Variants in GALNTL6 observed in about 807,000 individuals in gnomAD.
GALNTL6 encodes the protein polypeptide N-acetylgalactosaminyltransferase like 6.
GALNTL6 carries 46 observed loss-of-function variants against 73.7 expected under a neutral mutation model. The observed-to-expected ratio is 0.62, with a 90% CI of 0.49 to 0.80. The LOEUF is 0.80. GALNTL6 is among the 30% of genes least tolerant of loss of function. The pLI is 0.00. For synonymous variants in GALNTL6, 259 were observed against 263.7 expected, an observed-to-expected ratio of 0.98 and a Z score of 0.17; for missense variants, 604 against 755.0, an observed-to-expected ratio of 0.80 and a Z score of 2.34.
intron 5 of GALNTL6, among the ~76,000 whole-genome samples, chr4:172,515,539 C>T (rs1293271903): frequency 2.0e-5 from 3 of 152,196 alleles, no homozygotes; most frequent in African/African-American, 7.2e-5. Flanking sequence ...GATTCATTTG[C>T]GTTCAATTTA....
chr4:172,330,525 G>A (rs748993390), intron 4 of GALNTL6, among the ~76,000 whole-genome samples: 25 of 152,160 alleles, frequency 1.6e-4, no homozygotes, highest in Non-Finnish European at 3.4e-4. Flanking sequence ...TCAGCTGAAG[G>A]TGCTGTATTT....
intron 3 of GALNTL6, among the ~76,000 whole-genome samples, chr4:172,243,835 T>C (rs993367776): frequency 2.0e-5 from 3 of 152,134 alleles, no homozygotes; most frequent in Non-Finnish European, 4.4e-5. Flanking sequence ...AACAAGATTG[T>C]GAACTAAACA....
intron 2 of GALNTL6, among the ~76,000 whole-genome samples, chr4:171,941,630 C>G (rs1192862592): frequency 1.3e-5 from 2 of 151,992 alleles, no homozygotes; most frequent in African/African-American, 4.8e-5. Flanking sequence ...TTTAGATGGC[C>G]AGGGTTCTTC....
At chr4:172,867,293 A>G (rs574133377) in intron 7 of GALNTL6, among the ~76,000 whole-genome samples, 5 of 152,322 alleles carry the variant, frequency 3.3e-5, no homozygotes, top group Non-Finnish European at 5.9e-5. Context: ...AGTGCTATAA[A>G]GTGACAAGTC....
intron 3 of GALNTL6, among the ~76,000 whole-genome samples, chr4:172,251,787 G>C (rs1737881147): frequency 6.6e-6 from 1 of 152,052 alleles, no homozygotes; most frequent in Non-Finnish European, 1.5e-5. Flanking sequence ...ATACTAGACG[G>C]GCACTCAGAA....
At chr4:172,397,291 T>C (rs1743882651) in intron 5 of GALNTL6, among the ~76,000 whole-genome samples, 1 of 152,192 alleles carries the variant, frequency 6.6e-6, no homozygotes, top group Non-Finnish European at 1.5e-5. Context: ...TCCATTGATC[T>C]CCTTGACACC....
In GALNTL6 at chr4:172,663,333, A is replaced by G. The variant is rs140351705; in HGVS notation, c.554-146028A>G. 8.5e-4 allele frequency among the ~76,000 whole-genome samples: 130 copies of G among 152,354 alleles called. 1 individual carries two copies. Among genetic ancestry groups the G allele is most frequent in the African/African-American group, 3.0e-3 (125 of 41,578 alleles). On this transcript the variant is annotated intron_variant, in intron 5 of 12. Transcript: ENST00000506823. ...GGGGGTTACTTAAAAGGGCAGAGAA[A>G]TGCAATCGGACTACCAGCCTAGAAG...
chr4:172,909,269 A>T (rs1747071079), intron 8 of GALNTL6, among the ~76,000 whole-genome samples: 2 of 151,684 alleles, frequency 1.3e-5, no homozygotes, highest in South Asian at 4.2e-4. Context: ...CAAAAGTTAC[A>T]CAAGAATTAG....
intron 5 of GALNTL6, among the ~76,000 whole-genome samples, chr4:172,405,329 G>C (rs1744169954): frequency 7.0e-6 from 1 of 142,022 alleles, no homozygotes; most frequent in African/African-American, 2.6e-5. Flanking sequence ...ATATATATAA[G>C]TATATATAAA....
rs1419229596 is a variant in GALNTL6, at chr4:172,813,613, T to C, written c.813T>C (p.Tyr271=). 5 of 1,613,402 alleles carry C rather than the reference T, an allele frequency of 3.1e-6. No individual in the cohort carries two copies. In the South Asian group the frequency reaches 3.3e-5, roughly 11 times the overall value. The part of the protein sequence containing the change: ...IDVIDHNHFG[Y]EAQAGDAMRG... Reference sequence around the variant, plus strand: ...TCATTGACCACAATCACTTCGGGTATGAGGCACAAGCTGGGGATGCCATGC... The same window carrying C: ...TCATTGACCACAATCACTTCGGGTACGAGGCACAAGCTGGGGATGCCATGC... Residue 271 remains tyrosine, a synonymous_variant, in exon 7 of 13, where the codon TAT becomes TAC. Coordinates refer to ENST00000506823, the MANE Select transcript of GALNTL6 (RefSeq NM_001034845.3).
chr4:171,974,415 C>T lies in GALNTL6; in HGVS notation c.138+159697C>T, dbSNP rs550938764. ...TATTAATGCTGACATCTGTTCAAGT[C>T]TTCATTACCATATTACCACAACTGG... On this transcript the variant is annotated intron_variant, in intron 2 of 12. Coordinates refer to ENST00000506823, the MANE Select transcript of GALNTL6 (RefSeq NM_001034845.3). Among the ~76,000 whole-genome samples, 11 of 152,246 alleles carry T rather than the reference C, an allele frequency of 7.2e-5. No individual in the cohort carries two copies. The South Asian group carries it at 1.2e-3, about 17-fold the overall frequency.
chr4:173,004,152 C>A (rs1414841361), intron 10 of GALNTL6, among the ~76,000 whole-genome samples: 1 of 151,646 alleles, frequency 6.6e-6, no homozygotes, highest in Non-Finnish European at 1.5e-5. Context: ...CCACTGCAGT[C>A]TAGCCTGGGC....
In GALNTL6 at chr4:172,695,404, C is replaced by A. The variant is rs78480084; in HGVS notation, c.554-113957C>A. Among the ~76,000 whole-genome samples the A allele has an allele frequency of 7.7e-3, 1,172 of 152,172 alleles. 12 individuals carry two copies. Among genetic ancestry groups the A allele is most frequent in the African/African-American group, 0.027 (1,116 of 41,526 alleles). On this transcript the variant is annotated intron_variant, in intron 5 of 12. Transcript: ENST00000506823. Reference sequence around the variant, plus strand: ...TTCAGTTTATCATAACATTTTAAACCATTTTAATCTTTCTATCATAGATCT... The same window carrying A: ...TTCAGTTTATCATAACATTTTAAACAATTTTAATCTTTCTATCATAGATCT...
At chr4:172,350,083 G>A (rs1354414353) in intron 5 of GALNTL6, among the ~76,000 whole-genome samples, 2 of 152,090 alleles carry the variant, frequency 1.3e-5, no homozygotes, top group South Asian at 2.1e-4. Flanking sequence ...TACTTAATGT[G>A]TTAATAAAAC....
intron 3 of GALNTL6, among the ~76,000 whole-genome samples, chr4:172,241,504 T>C (rs1183791969): frequency 2.0e-5 from 3 of 152,230 alleles, no homozygotes; most frequent in African/African-American, 7.2e-5. Context: ...ATTATTCACA[T>C]TTGTTAATGT....
intron 2 of GALNTL6, among the ~76,000 whole-genome samples, chr4:171,954,773 T>C (rs1210237268): frequency 1.3e-5 from 2 of 152,086 alleles, no homozygotes; most frequent in African/African-American, 2.4e-5. Context: ...AAATCATGGG[T>C]GTGAACTTCC....
intron 2 of GALNTL6, among the ~76,000 whole-genome samples, chr4:171,886,032 G>A (rs1360000235): frequency 6.6e-6 from 1 of 151,932 alleles, no homozygotes; most frequent in East Asian, 1.9e-4. Flanking sequence ...AAAAATTGTA[G>A]AGATTCTTTC....
chr4:172,792,585 G>GA (rs1388537664), intron 5 of GALNTL6, among the ~76,000 whole-genome samples: 1 of 150,554 alleles, frequency 6.6e-6, no homozygotes, highest in Non-Finnish European at 1.5e-5. Flanking sequence ...GTCACTAAAG[G>GA]AAAAAAGATG....
rs79463435 is a variant in GALNTL6 at position 172,228,973 on chromosome 4, A to G, written c.139-683A>G. On this transcript the variant is annotated intron_variant, in intron 2 of 12. Transcript: ENST00000506823. ...TCAACTATAAGTGTAAACATGCACT[A>G]TGTTTCCAGAAATCTAGATGAGAGA... 6.9e-4 allele frequency among the ~76,000 whole-genome samples: 105 copies of G among 152,346 alleles called. 1 individual carries two copies. In the East Asian group the frequency reaches 0.02, roughly 29 times the overall value.
Sources: gnomAD v4.1 joint callset for allele counts (sites outside exome capture counted in the v4.1 genomes callset) on GRCh38, gnomAD v4.1.1 for gene constraint, MANE v1.5 for transcripts, NCBI Gene and HGNC (gene_info 2026-07-23, HGNC 2026-07-21) for gene names.